PGAM5: variants seen among roughly 807,000 people sequenced by gnomAD.
PGAM5 encodes the protein serine/threonine-protein phosphatase PGAM5, mitochondrial.
PGAM5 carries 25 observed loss-of-function variants against 30.6 expected under a neutral mutation model. The observed-to-expected ratio is 0.82, with a 90% CI of 0.60 to 1.14. The LOEUF (loss-of-function observed/expected upper bound fraction) is 1.14. PGAM5 is among the 50% of genes most tolerant of loss of function. PGAM5 has a pLI of 0.00. For synonymous variants in PGAM5, 201 were observed against 179.1 expected (o/e 1.12, Z -0.98); for missense variants, 384 against 408.5 (o/e 0.94, Z 0.52).
rs1385053446 is a variant in PGAM5, at chr12:132,711,065, C to T, written c.189C>T (p.Asp63=). ...PGPGVWDPNW[D]RREPLSLINV... is the part of the protein sequence containing the mutation. ...CCGGTGTCTGGGACCCCAACTGGGA[C>T]AGGTGCGCGCGGGGCTGTTTGGGGC... The change falls in exon 1 of 6, where the codon GAC becomes GAT. Residue 63 remains aspartate, a splice_region_variant and synonymous_variant. Coordinates refer to ENST00000498926, the MANE Select transcript of PGAM5 (RefSeq NM_001170543.2). 1 of 1,211,330 alleles carries T rather than the reference C, an allele frequency of 8.3e-7. No individual in the cohort carries two copies. Among genetic ancestry groups the T allele is most frequent in the Non-Finnish European group, 1.0e-6 (1 of 974,414 alleles). 75.0% of individuals were successfully genotyped at this position (1,211,330 alleles called of 1,614,324 possible).
intron 2 of PGAM5, 124 bp downstream of exon 2, chr12:132,715,160 G>C: frequency 9.5e-7 from 1 of 1,054,334 alleles, no homozygotes; most frequent in South Asian, 1.7e-5. Flanking sequence ...CAGCTTTCTT[G>C]AAAGTGCTTG....
At chr12:132,713,965 G>A (rs1486388023) in intron 1 of PGAM5, among the ~76,000 whole-genome samples, 6 of 152,120 alleles carry the variant, frequency 3.9e-5, no homozygotes, top group African/African-American at 1.4e-4. Context: ...GATTCCAGCA[G>A]CTCTGGAACA....
chr12:132,717,966 G>T, intron 4 of PGAM5, 21 bp from the exon 5 acceptor site: 4 of 1,612,362 alleles, frequency 2.5e-6, no homozygotes, highest in Non-Finnish European at 3.4e-6. Context: ...CCGCACTGAC[G>T]GCTCCTCACT....
chr12:132,714,441 G>A (rs748312933), intron 1 of PGAM5, among the ~76,000 whole-genome samples: 1 of 152,178 alleles, frequency 6.6e-6, no homozygotes, highest in Non-Finnish European at 1.5e-5. Flanking sequence ...GCAGTTCTAG[G>A]CTCTGCTGAA....
intron 5 of PGAM5, chr12:132,719,097 G>C: frequency 3.6e-6 from 5 of 1,390,852 alleles, no homozygotes; most frequent in Non-Finnish European, 4.7e-6. Flanking sequence ...GGCAGGGCCA[G>C]CTCTACGGTT....
rs944065432 is a variant in PGAM5, at chr12:132,719,087, G to T, written c.719+967G>T. 253 of 1,400,570 alleles carry T rather than the reference G, an allele frequency of 1.8e-4. 2 individuals carry two copies. Among genetic ancestry groups the T allele is most frequent in the East Asian group, 2.7e-5 (1 of 36,716 alleles). 86.8% of individuals were successfully genotyped at this position (1,400,570 alleles called of 1,614,324 possible). Reference sequence around the variant, plus strand: ...AGCCACGTTAGAGGGCCCCTTGGGGGGCAGGGCCAGCTCTACGGTTACATG... The same window carrying T: ...AGCCACGTTAGAGGGCCCCTTGGGGTGCAGGGCCAGCTCTACGGTTACATG... On this transcript the variant is annotated intron_variant, in intron 5 of 5. Coordinates refer to ENST00000498926, the MANE Select transcript of PGAM5 (RefSeq NM_001170543.2).
intron 5 of PGAM5, among the ~76,000 whole-genome samples, chr12:132,719,403 G>A (rs1224119323): frequency 6.6e-6 from 1 of 152,212 alleles, no homozygotes; most frequent in Non-Finnish European, 1.5e-5. Context: ...GGATGTACGG[G>A]CCGAGATTCT....
At position 132,715,030 on chromosome 12, in the gene PGAM5, C is replaced by T. The variant is rs776562285; in HGVS notation, c.364C>T (p.Pro122Ser). 9 of 1,609,788 alleles carry T rather than the reference C, an allele frequency of 5.6e-6. No individual in the cohort carries two copies. The highest frequency in any genetic ancestry group is 1.1e-5 in the South Asian group (1 of 90,666). Residue 122 changes from proline (P) to serine (S), a missense_variant, in exon 2 of 6, where the codon CCG becomes TCG. Transcript: ENST00000498926. ...GSLEKDRTLT[P>S]LGREQAELTG... ...CCTGGAGAAGGACCGCACTCTGACC[C>T]CGCTGGGTATGTGGTGGGTTCAGAT...
At chr12:132,719,214 C>T in intron 5 of PGAM5, 2 of 1,148,652 alleles carry the variant, frequency 1.7e-6, no homozygotes, top group South Asian at 3.9e-5. Context: ...GTGGGCTCCG[C>T]AGCTGAGGGG....
At position 132,722,729 on chromosome 12, in the gene PGAM5, T is replaced by TAAAA. The variant is rs2043658878; in HGVS notation, c.*1901_*1902insAAAA. ...TAATAAATAAAATTTTACTGTTTTT[T>TAAAA]TAAAAGGACTAGTTGTGAGTGTGTT... is the stretch of plus-strand genomic sequence containing the variant. On this transcript the variant is annotated 3_prime_UTR_variant, in exon 6 of 6. Coordinates refer to ENST00000498926, the MANE Select transcript of PGAM5 (RefSeq NM_001170543.2). 1 of 152,174 alleles carries TAAAA rather than the reference T, an allele frequency of 6.6e-6. No individual in the cohort carries two copies. Among genetic ancestry groups the TAAAA allele is most frequent in the Admixed American group, 6.5e-5 (1 of 15,276 alleles). The allele number at this position is 152,174 out of a possible 1,614,324, so 9.4% of individuals were successfully genotyped here.
At chr12:132,719,195 A>G in intron 5 of PGAM5, 1 of 1,171,428 alleles carries the variant, frequency 8.5e-7, no homozygotes, top group Non-Finnish European at 1.1e-6. Context: ...TCCATTAGGA[A>G]ATGTGTGTGT....
At chr12:132,711,738 CGA>C (rs1565997068) in intron 1 of PGAM5, 2 of 151,032 alleles carry the variant, frequency 1.3e-5, no homozygotes, top group African/African-American at 4.9e-5. Context: ...CAGTGTGAGC[CGA>C]GATCCCGCCA....
intron 5 of PGAM5, among the ~76,000 whole-genome samples, chr12:132,719,405 C>T (rs780447106): frequency 3.9e-5 from 6 of 152,192 alleles, no homozygotes; most frequent in South Asian, 2.1e-4. Flanking sequence ...ATGTACGGGC[C>T]GAGATTCTCA....
intron 1 of PGAM5, among the ~76,000 whole-genome samples, chr12:132,713,406 G>A (rs7486492): frequency 0.46 from 69,595 of 151,900 alleles, 17,092 homozygotes; most frequent in Non-Finnish European, 0.55. Flanking sequence ...GAAATCTCCA[G>A]CTTCTTCCTG....
At chr12:132,717,326 G>C (rs1565999424) in intron 2 of PGAM5, 113 bp from the exon 3 acceptor site, 1 of 1,240,946 alleles carries the variant, frequency 8.1e-7, no homozygotes, top group Non-Finnish European at 1.1e-6. Flanking sequence ...GTTTGCGGGC[G>C]GAGGAGGGGG....
Position 132,721,056 on chromosome 12 carries a change from G to A in PGAM5, c.*228G>A, listed in dbSNP as rs1389146895. On this transcript the variant is annotated 3_prime_UTR_variant, in exon 6 of 6. Coordinates refer to ENST00000498926, the MANE Select transcript of PGAM5 (RefSeq NM_001170543.2). ...ATGGCGTGGGGTTTAAGGTGAAAGC[G>A]TCTCACGCACAAGTCAGGCCTGTTG... 1.7e-5 allele frequency: 8 copies of A among 479,840 alleles called. 1 individual carries two copies. Among genetic ancestry groups the A allele is most frequent in the South Asian group, 8.9e-5 (3 of 33,850 alleles). The allele number at this position is 479,840 out of a possible 1,614,324, so 29.7% of individuals were successfully genotyped here.
chr12:132,711,691 T>A (rs2043524251), intron 1 of PGAM5: 1 of 150,554 alleles, frequency 6.6e-6, no homozygotes, highest in African/African-American at 2.5e-5. Context: ...GAGGCTGAGG[T>A]AGGAGGATCC....
intron 2 of PGAM5, 141 bp downstream of exon 2, chr12:132,715,177 T>TG (rs774040180): frequency 1.3e-6 from 1 of 766,190 alleles, no homozygotes; most frequent in Non-Finnish European, 2.1e-6. Context: ...CTTGGGGCAC[T>TG]GGGCCTCCTG....
chr12:132,718,402 G>C (rs1195747415), intron 5 of PGAM5, among the ~76,000 whole-genome samples: 9 of 70,836 alleles, frequency 1.3e-4, no homozygotes, highest in Middle Eastern at 5.7e-3. Flanking sequence ...GTCCTGAGTG[G>C]GGTGCGTGCT....
Sources: allele counts gnomAD v4.1 joint callset (sites outside exome capture counted in the v4.1 genomes callset), GRCh38; gene constraint gnomAD v4.1.1; transcripts MANE v1.5; gene names NCBI Gene and HGNC (gene_info 2026-07-23, HGNC 2026-07-21).